CAP2: variants seen among roughly 807,000 people sequenced by gnomAD.
The protein encoded by CAP2 is adenylyl cyclase-associated protein 2.
A neutral mutation model predicts 57.7 loss-of-function variants in CAP2; 24 were observed. The ratio of observed to expected loss-of-function variants is 0.42; its 90% CI spans 0.30 to 0.58. CAP2 has a LOEUF of 0.58. CAP2 is among the 20% of genes least tolerant of loss of function. The pLI is 0.22. For synonymous variants in CAP2, 194 were observed against 207.2 expected (o/e 0.94, Z 0.55); for missense variants, 501 against 590.3 (o/e 0.85, Z 1.57).
At chr6:17,496,712 T>C (rs572151430) in intron 4 of CAP2, among the ~76,000 whole-genome samples, 9 of 152,320 alleles carry the variant, frequency 5.9e-5, no homozygotes, top group South Asian at 2.1e-4. Flanking sequence ...TAAGGATCAC[T>C]GGAGCTAAGT....
chr6:17,533,387 T>A (rs924067943), intron 7 of CAP2, among the ~76,000 whole-genome samples: 1 of 152,080 alleles, frequency 6.6e-6, no homozygotes, highest in Admixed American at 6.6e-5. Flanking sequence ...TGCAGTACAG[T>A]AGCTTTTTAA....
chr6:17,507,489 A>G (rs1762019567), intron 5 of CAP2, 152 bp from the exon 6 acceptor site: 1 of 791,160 alleles, frequency 1.3e-6, no homozygotes. Flanking sequence ...GAGATACTGT[A>G]GAAAGTGTTT....
At chr6:17,466,133 G>T (rs1324384878) in intron 4 of CAP2, among the ~76,000 whole-genome samples, 1 of 152,200 alleles carries the variant, frequency 6.6e-6, no homozygotes, top group Non-Finnish European at 1.5e-5. Flanking sequence ...CATTCTAGAA[G>T]ATGCATCTTA....
chr6:17,555,057 TAA>T (rs1763264128), intron 12 of CAP2, among the ~76,000 whole-genome samples: 1 of 152,222 alleles, frequency 6.6e-6, no homozygotes, highest in South Asian at 2.1e-4. Flanking sequence ...ACCTCTGGGA[TAA>T]AACCTTTCTA....
intron 1 of CAP2, among the ~76,000 whole-genome samples, chr6:17,420,304 C>T (rs1759404923): frequency 6.6e-6 from 1 of 152,176 alleles, no homozygotes; most frequent in Non-Finnish European, 1.5e-5. Context: ...TTAAACATAA[C>T]CAGAAGCCTT....
intron 4 of CAP2, among the ~76,000 whole-genome samples, chr6:17,487,156 C>T (rs749629186): frequency 2.6e-4 from 40 of 152,198 alleles, no homozygotes; most frequent in Non-Finnish European, 3.4e-4. Flanking sequence ...AAGCCATCCT[C>T]GTGCCTGCTG....
intron 7 of CAP2, among the ~76,000 whole-genome samples, chr6:17,515,747 A>G (rs1230545737): frequency 6.6e-6 from 1 of 152,186 alleles, no homozygotes; most frequent in East Asian, 1.9e-4. Flanking sequence ...AGTATTTTTG[A>G]GTACCTAGGC....
At chr6:17,522,303 C>A (rs201351920) in intron 7 of CAP2, among the ~76,000 whole-genome samples, 11 of 152,112 alleles carry the variant, frequency 7.2e-5, no homozygotes, top group Non-Finnish European at 1.3e-4. Flanking sequence ...CACTTTTACA[C>A]GTTCATTTAT....
At chr6:17,478,572 C>T (rs1233262481) in intron 4 of CAP2, among the ~76,000 whole-genome samples, 1 of 151,988 alleles carries the variant, frequency 6.6e-6, no homozygotes, top group Non-Finnish European at 1.5e-5. Context: ...TCTTTCTCTC[C>T]CTACTGGATC....
At chr6:17,400,303 T>A (rs368673335) in intron 1 of CAP2, among the ~76,000 whole-genome samples, 6 of 152,238 alleles carry the variant, frequency 3.9e-5, no homozygotes, top group African/African-American at 1.4e-4. Context: ...TTATGCACAG[T>A]TTAATGAGAA....
At chr6:17,477,655 T>C (rs1296860332) in intron 4 of CAP2, among the ~76,000 whole-genome samples, 1 of 152,176 alleles carries the variant, frequency 6.6e-6, no homozygotes, top group Non-Finnish European at 1.5e-5. Flanking sequence ...CAGAGGAGAT[T>C]CATACTTAAC....
Position 17,545,143 on chromosome 6 carries a change from G to A in CAP2, c.1209+2000G>A, listed in dbSNP as rs9477477. The stretch of plus-strand genomic sequence containing the variant: ...AAGTAATATTTGATGGCAGAGGTGA[G>A]GGTACATGTTTAGCCATAGTCATGC... On this transcript the variant is annotated intron_variant, in intron 11 of 12. Transcript: ENST00000229922. Among the ~76,000 whole-genome samples the A allele has an allele frequency of 7.2e-4, 109 of 152,272 alleles. 1 individual carries two copies. Among genetic ancestry groups the A allele is most frequent in the African/African-American group, 2.3e-3 (97 of 41,554 alleles).
At chr6:17,394,516 A>T (rs1758622093) in intron 1 of CAP2, among the ~76,000 whole-genome samples, 1 of 152,214 alleles carries the variant, frequency 6.6e-6, no homozygotes, top group African/African-American at 2.4e-5. Flanking sequence ...ATGAGTATGT[A>T]TGGGTGACTG....
At chr6:17,464,419 C>T (rs1442198543) in intron 4 of CAP2, among the ~76,000 whole-genome samples, 1 of 152,144 alleles carries the variant, frequency 6.6e-6, no homozygotes, top group Non-Finnish European at 1.5e-5. Context: ...CTTTGACCTT[C>T]AGGGGATGAC....
At chr6:17,405,439 CTAA>C (rs916347219) in intron 1 of CAP2, among the ~76,000 whole-genome samples, 2 of 151,780 alleles carry the variant, frequency 1.3e-5, no homozygotes, top group Non-Finnish European at 2.9e-5. Flanking sequence ...ACAATAATAA[CTAA>C]TAATAAACTA....
intron 1 of CAP2, among the ~76,000 whole-genome samples, chr6:17,410,238 A>G (rs1759102885): frequency 6.6e-6 from 1 of 151,950 alleles, no homozygotes; most frequent in African/African-American, 2.4e-5. Flanking sequence ...ATCCCTGCAC[A>G]CCTCTGTTAC....
At chr6:17,548,045 A>G (rs1186599855) in intron 11 of CAP2, among the ~76,000 whole-genome samples, 1 of 151,922 alleles carries the variant, frequency 6.6e-6, no homozygotes, top group Non-Finnish European at 1.5e-5. Context: ...AATCAATAGC[A>G]TTTCTTTCTA....
At chr6:17,449,678 G>C (rs1193194267) in intron 3 of CAP2, among the ~76,000 whole-genome samples, 7 of 151,988 alleles carry the variant, frequency 4.6e-5, no homozygotes. Flanking sequence ...CAAAGTGTTG[G>C]GATTACAAGC....
At chr6:17,553,399 C>T (rs1763217945) in intron 12 of CAP2, among the ~76,000 whole-genome samples, 3 of 152,122 alleles carry the variant, frequency 2.0e-5, no homozygotes, top group Admixed American at 1.3e-4. Flanking sequence ...TTTGGGAGGC[C>T]GAGGCGGGCA....
Sources: allele counts gnomAD v4.1 joint callset (sites outside exome capture counted in the v4.1 genomes callset), GRCh38; gene constraint gnomAD v4.1.1; transcripts MANE v1.5; gene names NCBI Gene and HGNC (gene_info 2026-07-23, HGNC 2026-07-21).